Variants in TLE1 observed in about 807,000 individuals in gnomAD.
The protein encoded by TLE1 is transducin-like enhancer protein 1.
A neutral mutation model predicts 89.8 loss-of-function variants in TLE1; 21 were observed. The observed-to-expected ratio is 0.23, with a 90% confidence interval of 0.17 to 0.34. TLE1 has a LOEUF of 0.34. Among genes scored for constraint, TLE1 ranks in the 10% least tolerant of loss-of-function variants. The probability of loss-of-function intolerance (pLI) is 1.00; values close to 1 mark genes in which losing one functional copy is unlikely to be tolerated. For synonymous variants in TLE1, 447 were observed against 407.6 expected (o/e 1.10, Z -1.16); for missense variants, 795 against 1,031.2 (o/e 0.77, Z 3.14).
chr9:81,673,015 G>C (rs940493605), intron 4 of TLE1, among the ~76,000 whole-genome samples: 1 of 152,076 alleles, frequency 6.6e-6, no homozygotes, highest in Middle Eastern at 3.2e-3. Flanking sequence ...GCTCACGCCT[G>C]TAATCCCAGC....
At position 81,593,062 on chromosome 9, in the gene TLE1, G is replaced by A. The variant is rs778799449; in HGVS notation, c.1544C>T (p.Pro515Leu). The change falls in exon 15 of 20, where the codon CCT becomes CTT. Residue 515 changes from proline (P) to leucine (L), a missense_variant. Around this residue, in one of 4 missense-constraint regions of TLE1, gnomAD observed 214 missense variants for 354.9 expected, o/e 0.60. Transcript: ENST00000376499. Reference sequence around the variant, plus strand: ...CTGGGAGACAGGGCTCTTATTGCCAGGGTGGCTGATGTCCCAGACCTTGAC... The same window carrying A: ...CTGGGAGACAGGGCTCTTATTGCCAAGGTGGCTGATGTCCCAGACCTTGAC... ...GCVKVWDISH[P>L]GNKSPVSQLD... The A allele has an allele frequency of 3.1e-6, 5 of 1,613,824 alleles. No individual in the cohort carries two copies. The East Asian group carries it at 1.1e-4, about 36-fold the overall frequency.
chr9:81,678,135 G>T (rs540262451), intron 4 of TLE1, among the ~76,000 whole-genome samples: 2 of 152,260 alleles, frequency 1.3e-5, no homozygotes, highest in Non-Finnish European at 2.9e-5. Flanking sequence ...AGACCTTACA[G>T]GGGAGGGGAT....
At chr9:81,614,579 G>A (rs1018135883) in intron 11 of TLE1, among the ~76,000 whole-genome samples, 4 of 152,270 alleles carry the variant, frequency 2.6e-5, no homozygotes, top group East Asian at 3.9e-4. Context: ...CATGAGCCAC[G>A]GCTGTGTAGC....
intron 14 of TLE1, among the ~76,000 whole-genome samples, chr9:81,601,975 G>A (rs750356604): frequency 3.3e-5 from 5 of 152,090 alleles, no homozygotes; most frequent in African/African-American, 7.2e-5. Context: ...ATAGAAACAC[G>A]GCTTGTACAC....
chr9:81,657,537 T>C (rs1274435404), intron 4 of TLE1, among the ~76,000 whole-genome samples: 1 of 152,126 alleles, frequency 6.6e-6, no homozygotes, highest in Non-Finnish European at 1.5e-5. Context: ...TTGAACATGG[T>C]CGGAGGACAG....
chr9:81,642,530 TA>T (rs35355418), intron 6 of TLE1, among the ~76,000 whole-genome samples: 101,170 of 147,500 alleles, frequency 0.69, 34,841 homozygotes, highest in Non-Finnish European at 0.73. Context: ...CGTCTCTACT[TA>T]AAAAAAAAAA....
intron 4 of TLE1, among the ~76,000 whole-genome samples, chr9:81,668,128 G>A (rs1034502899): frequency 2.6e-5 from 4 of 151,522 alleles, no homozygotes; most frequent in Non-Finnish European, 5.9e-5. Flanking sequence ...TCGCGCCACT[G>A]CACTCCAGCA....
chr9:81,671,589 G>A (rs1392895924), intron 4 of TLE1, among the ~76,000 whole-genome samples: 1 of 151,568 alleles, frequency 6.6e-6, no homozygotes, highest in Non-Finnish European at 1.5e-5. Context: ...AGCTTGCAGT[G>A]AGCCAAGATT....
At chr9:81,680,183 C>T (rs971003019) in intron 4 of TLE1, among the ~76,000 whole-genome samples, 1 of 152,164 alleles carries the variant, frequency 6.6e-6, no homozygotes, top group Non-Finnish European at 1.5e-5. Flanking sequence ...GAGAGGGGAA[C>T]TGAAGCCAGG....
intron 8 of TLE1, among the ~76,000 whole-genome samples, chr9:81,621,672 T>C (rs1825274218): frequency 6.6e-6 from 1 of 152,194 alleles, no homozygotes; most frequent in Admixed American, 6.5e-5. Context: ...ATGGTATCTT[T>C]TTAAAAGCCC....
intron 6 of TLE1, among the ~76,000 whole-genome samples, chr9:81,639,121 T>C (rs1353175862): frequency 6.6e-6 from 1 of 151,432 alleles, no homozygotes; most frequent in Non-Finnish European, 1.5e-5. Context: ...AGATGGGGTC[T>C]CACCATGTTG....
intron 14 of TLE1, among the ~76,000 whole-genome samples, chr9:81,600,880 A>G (rs574287148): frequency 1.4e-3 from 217 of 152,262 alleles, no homozygotes; most frequent in African/African-American, 4.6e-3. Flanking sequence ...TGTGCCCTTC[A>G]CTTGAGCTGG....
intron 4 of TLE1, among the ~76,000 whole-genome samples, chr9:81,670,941 G>T (rs886864135): frequency 1.3e-5 from 2 of 152,014 alleles, no homozygotes; most frequent in Admixed American, 1.3e-4. Flanking sequence ...GGCCGAGGCA[G>T]ATGGATCACC....
intron 14 of TLE1, among the ~76,000 whole-genome samples, chr9:81,596,709 G>A (rs1307781477): frequency 6.6e-6 from 1 of 152,190 alleles, no homozygotes; most frequent in East Asian, 1.9e-4. Flanking sequence ...CGCATTTCTA[G>A]AATTTCGAAC....
chr9:81,668,927 G>A (rs1564060100), intron 4 of TLE1, among the ~76,000 whole-genome samples: 1 of 151,976 alleles, frequency 6.6e-6, no homozygotes, highest in African/African-American at 2.4e-5. Flanking sequence ...CAATTTATAT[G>A]CTCCTGTGTG....
At chr9:81,610,361 AC>A in intron 13 of TLE1, 65 bp from the exon 14 acceptor site, 3 of 1,192,474 alleles carry the variant, frequency 2.5e-6, no homozygotes, top group Non-Finnish European at 2.5e-6. Flanking sequence ...GAACATCAAT[AC>A]TGTTCATTAG....
intron 8 of TLE1, 107 bp downstream of exon 8, chr9:81,633,241 T>G: frequency 1.3e-6 from 2 of 1,569,706 alleles, no homozygotes; most frequent in Non-Finnish European, 1.7e-6. Context: ...AGGGAGAGTG[T>G]GCATGTCTGT....
chr9:81,591,867 A>C (rs112560737), intron 15 of TLE1, among the ~76,000 whole-genome samples: 1 of 152,240 alleles, frequency 6.6e-6, no homozygotes, highest in Non-Finnish European at 1.5e-5. Flanking sequence ...CTGTGTTTCC[A>C]AAACACCGCC....
chr9:81,662,680 A>G (rs968079648), intron 4 of TLE1, among the ~76,000 whole-genome samples: 14 of 151,326 alleles, frequency 9.3e-5, no homozygotes, highest in African/African-American at 3.4e-4. Context: ...CCTGGGCAAC[A>G]AAAGTGAAAC....
Sources: allele counts gnomAD v4.1 joint callset (sites outside exome capture counted in the v4.1 genomes callset), GRCh38; gene constraint gnomAD v4.1.1; regional missense constraint gnomAD v4.1.1; transcripts MANE v1.5; gene names NCBI Gene and HGNC (gene_info 2026-07-23, HGNC 2026-07-21).